THOC2: variants seen among roughly 807,000 people sequenced by gnomAD.
The protein encoded by THOC2 is THO complex subunit 2, also known as THO complex 2.
THOC2 carries 10 observed loss-of-function variants against 128.4 expected under a neutral mutation model. The observed-to-expected ratio is 0.08, with a 90% CI of 0.05 to 0.13. The LOEUF is 0.13. Among genes scored for constraint, THOC2 ranks in the 10% least tolerant of loss-of-function variants. The pLI, the probability that THOC2 is intolerant of heterozygous loss-of-function variation, is 1.00. For missense variants in THOC2, 535 were observed against 1,155.7 expected, an observed-to-expected ratio of 0.46 and a Z score of 7.79; for synonymous variants, 393 against 396.9, an observed-to-expected ratio of 0.99 and a Z score of 0.12.
chrX:123,644,792 G>A lies in THOC2; in HGVS notation c.1546C>T (p.Pro516Ser), dbSNP rs1301435477. The A allele has an allele frequency of 1.7e-6, 2 of 1,199,269 alleles. No individual in the cohort carries two copies. The highest frequency in any genetic ancestry group is 1.1e-6 in the Non-Finnish European group (1 of 887,762). The change falls in exon 14 of 39, where the codon CCA becomes TCA. Residue 516 changes from proline to serine, a missense_variant. By Grantham distance (74) the Pro-to-Ser change is moderately conservative. Transcript: ENST00000245838. Reference sequence around the variant, plus strand: ...ATATGTATTTACCTATGCTGATATGGAAATGTTTTAAACATTCCCCATAGT... The same window carrying A: ...ATATGTATTTACCTATGCTGATATGAAAATGTTTTAAACATTCCCCATAGT... The part of the protein sequence containing the change: ...EELWGMFKTF[P>S]YQHRYRLYGQ...
intron 8 of THOC2, among the ~76,000 whole-genome samples, chrX:123,681,949 C>T (rs1393226576): frequency 3.6e-5 from 4 of 111,763 alleles, no homozygotes. Context: ...ATCCCAGCTA[C>T]TCAGGAGGCT....
intron 33 of THOC2, among the ~76,000 whole-genome samples, chrX:123,617,141 C>T (rs2046925853): frequency 9.0e-6 from 1 of 110,694 alleles, no homozygotes; most frequent in African/African-American, 3.3e-5. Context: ...TTTCTAGACA[C>T]ATAAAAATGC....
chrX:123,722,306 T>C (rs770524253), intron 1 of THOC2, among the ~76,000 whole-genome samples: 5 of 111,700 alleles, frequency 4.5e-5, no homozygotes, highest in Admixed American at 9.5e-5. Flanking sequence ...AGTAAAAACT[T>C]GGTACCAACC....
chrX:123,645,155 G>A (rs2048072592), intron 13 of THOC2, among the ~76,000 whole-genome samples, 179 bp downstream of exon 13: 1 of 111,841 alleles, frequency 8.9e-6, no homozygotes, highest in African/African-American at 3.2e-5. Flanking sequence ...TTCAACATCA[G>A]GGGAAAAAAT....
At chrX:123,719,022 G>A (rs1569451032) in intron 1 of THOC2, among the ~76,000 whole-genome samples, 3 of 107,920 alleles carry the variant, frequency 2.8e-5, no homozygotes, top group South Asian at 4.1e-4. Flanking sequence ...AAAAAAATTC[G>A]AAAAAATTAG....
In THOC2 at chrX:123,711,200, TG is replaced by T. The variant is rs199672397; in HGVS notation, c.130+1649del. 2.3e-4 allele frequency among the ~76,000 whole-genome samples: 23 copies of T among 101,877 alleles called. 3 individuals carry two copies. Among genetic ancestry groups the T allele is most frequent in the East Asian group, 6.6e-4 (2 of 3,024 alleles). The allele number at this position is 101,877 out of a possible 115,157, so 88.5% of individuals were successfully genotyped here. ...CACGCAGCTAATTTTTTTTTGTTTTTGTTTTTTTTTTGGTAGAGATGGAGTT... is the reference window on the plus strand; with the variant it reads ...CACGCAGCTAATTTTTTTTTGTTTTTTTTTTTTTTTGGTAGAGATGGAGTT... On this transcript the variant is annotated intron_variant, in intron 2 of 38. Transcript: ENST00000245838.
Position 123,613,410 on chromosome X carries a change from C to A in THOC2, c.4666G>T (p.Gly1556Cys), listed in dbSNP as rs769593183. The A allele has an allele frequency of 8.3e-7, 1 of 1,204,787 alleles. No individual in the cohort carries two copies. The highest frequency in any genetic ancestry group is 1.8e-5 in the South Asian group (1 of 55,655). ...TTTTCCTAATTTACCTTTTTGCCAC[C>A]GGAGGAGATTTTATCCATCTTCTCA... ...KSEKMDKISSGGKKESRHDKE... is the reference protein window; with the variant it reads ...KSEKMDKISSCGKKESRHDKE... The change falls in exon 36 of 39, where the codon GGT becomes TGT. Residue 1556 changes from glycine (G) to cysteine (C), a missense_variant. This residue lies in a region of THOC2 where 39 missense variants were observed against 93.1 expected (regional missense o/e 0.42). Transcript: ENST00000245838.
chrX:123,635,952 G>T, intron 19 of THOC2, 127 bp downstream of exon 19: 1 of 438,501 alleles, frequency 2.3e-6, no homozygotes, highest in South Asian at 5.7e-5. Flanking sequence ...GTAAATAAGT[G>T]AGCAACTATT....
At chrX:123,703,684 T>C (rs1428371892) in intron 3 of THOC2, among the ~76,000 whole-genome samples, 179 bp from the exon 4 acceptor site, 4 of 96,925 alleles carry the variant, frequency 4.1e-5, no homozygotes, top group African/African-American at 1.5e-4. Context: ...GCCCAAAAGT[T>C]TGGGACCAGC....
chrX:123,719,947 TA>T (rs1467308898), intron 1 of THOC2, among the ~76,000 whole-genome samples: 2 of 106,563 alleles, frequency 1.9e-5, no homozygotes, highest in Non-Finnish European at 1.9e-5. Flanking sequence ...AAATAAAAAA[TA>T]ATAAGCCTGG....
chrX:123,606,029 C>A (rs187548077), intron 38 of THOC2, among the ~76,000 whole-genome samples: 156 of 111,363 alleles, frequency 1.4e-3, no homozygotes, highest in African/African-American at 4.9e-3. Flanking sequence ...GAAATCAGAA[C>A]ACAATGTTAC....
At chrX:123,612,757 A>G (rs1454677945) in intron 36 of THOC2, among the ~76,000 whole-genome samples, 1 of 111,937 alleles carries the variant, frequency 8.9e-6, no homozygotes, top group African/African-American at 3.2e-5. Context: ...TTCATTATAT[A>G]ATTTTCTAGA....
At chrX:123,715,836 G>GT (rs778279973) in intron 1 of THOC2, among the ~76,000 whole-genome samples, 8 of 105,878 alleles carry the variant, frequency 7.6e-5, no homozygotes, top group African/African-American at 1.0e-4. Context: ...AAAATTAAGA[G>GT]TTTTTTTTAA....
intron 6 of THOC2, 94 bp from the exon 7 acceptor site, chrX:123,696,248 C>T (rs1299067160): frequency 5.6e-6 from 3 of 540,484 alleles, no homozygotes; most frequent in African/African-American, 2.4e-5. Context: ...TTCTTATCTC[C>T]AACCTACAAC....
At chrX:123,629,451 C>T (rs1344858550) in intron 22 of THOC2, among the ~76,000 whole-genome samples, 1 of 110,776 alleles carries the variant, frequency 9.0e-6, no homozygotes, top group Non-Finnish European at 1.9e-5. Flanking sequence ...TAACCCAAAA[C>T]GAGATGATCA....
At chrX:123,665,221 T>A (rs913290508) in intron 12 of THOC2, among the ~76,000 whole-genome samples, 1 of 112,039 alleles carries the variant, frequency 8.9e-6, no homozygotes, top group African/African-American at 3.2e-5. Context: ...TCCTAACATC[T>A]TAGTGCAAGG....
At chrX:123,625,003 T>C (rs182444864) in intron 25 of THOC2, among the ~76,000 whole-genome samples, 1 of 111,732 alleles carries the variant, frequency 8.9e-6, no homozygotes, top group East Asian at 2.8e-4. Flanking sequence ...TACATATTAC[T>C]GGGTTTACGG....
chrX:123,613,795 A>G, intron 34 of THOC2, 87 bp from the exon 35 acceptor site: 4 of 888,636 alleles, frequency 4.5e-6, no homozygotes, highest in South Asian at 4.3e-5. Context: ...GGCACAGCTA[A>G]CTAGCAATGG....
At chrX:123,720,635 C>T (rs759936187) in intron 1 of THOC2, among the ~76,000 whole-genome samples, 1 of 110,882 alleles carries the variant, frequency 9.0e-6, no homozygotes, top group East Asian at 2.8e-4. Flanking sequence ...GCATTATTTA[C>T]AATAGCCTAG....
Sources: allele counts gnomAD v4.1 joint callset (sites outside exome capture counted in the v4.1 genomes callset), GRCh38; gene constraint gnomAD v4.1.1; regional missense constraint gnomAD v4.1.1; transcripts MANE v1.5; gene names NCBI Gene and HGNC (gene_info 2026-07-23, HGNC 2026-07-21).